The following MAF variants were observed in gnomAD, a reference collection of about 807,000 sequenced individuals.
MAF encodes MAF bZIP transcription factor.
A neutral mutation model predicts 22.0 loss-of-function variants in MAF; 10 were observed. That is an observed-to-expected ratio of 0.45 (90% CI 0.28 to 0.77). The LOEUF is 0.77. MAF is among the 30% of genes least tolerant of loss of function. MAF has a pLI of 0.12. For synonymous variants in MAF, 337 were observed against 255.8 expected, an observed-to-expected ratio of 1.32 and a Z score of -3.03; for missense variants, 544 against 548.4, an observed-to-expected ratio of 0.99 and a Z score of 0.08.
the MAF span, among the ~76,000 whole-genome samples, chr16:79,522,913 T>A: frequency 3.5e-4 from 54 of 152,298 alleles, no homozygotes; most frequent in Admixed American, 1.0e-3. Flanking sequence ...CCTGAGAACA[T>A]CATGCTTAGA....
the MAF span, among the ~76,000 whole-genome samples, chr16:79,426,193 G>GA: frequency 6.9e-6 from 1 of 144,120 alleles, no homozygotes; most frequent in Non-Finnish European, 1.5e-5. Context: ...GCGAGAGAGC[G>GA]AGAGTCCATC....
chr16:79,244,382 A>C, the MAF span, among the ~76,000 whole-genome samples: 1 of 152,140 alleles, frequency 6.6e-6, no homozygotes, highest in Non-Finnish European at 1.5e-5. Flanking sequence ...AGCATACAAA[A>C]TCAATGTGCA....
At chr16:79,207,066 C>G in the MAF span, among the ~76,000 whole-genome samples, 2 of 152,120 alleles carry the variant, frequency 1.3e-5, no homozygotes, top group African/African-American at 2.4e-5. Context: ...TATAGCCTCT[C>G]CTGGGGGAGT....
At chr16:79,322,187 C>T in the MAF span, among the ~76,000 whole-genome samples, 7 of 152,124 alleles carry the variant, frequency 4.6e-5, no homozygotes, top group South Asian at 4.1e-4. Flanking sequence ...GAGCCAAGAT[C>T]GCTCCACTGC....
At chr16:79,502,696 AATATAAATATAAATATATATATATAT>A in the MAF span, among the ~76,000 whole-genome samples, 451 of 19,236 alleles carry the variant, frequency 0.023, 19 homozygotes, top group Middle Eastern at 0.12. Flanking sequence ...TATAAATATA[AATATAAATATAAATATATATATATAT>A]ATATATATAT....
chr16:79,482,021 G>A, the MAF span, among the ~76,000 whole-genome samples: 1 of 152,304 alleles, frequency 6.6e-6, no homozygotes, highest in Non-Finnish European at 1.5e-5. Context: ...AGCAAAAACT[G>A]CTGGGTCATG....
the MAF span, chr16:79,211,755 G>C: frequency 5.6e-6 from 9 of 1,614,082 alleles, no homozygotes; most frequent in Admixed American, 1.0e-4. Context: ...GGCGCTCAGC[G>C]AGAGGCTGAT....
At chr16:79,239,197 G>A in the MAF span, among the ~76,000 whole-genome samples, 1 of 152,056 alleles carries the variant, frequency 6.6e-6, no homozygotes, top group African/African-American at 2.4e-5. Flanking sequence ...TTCTCTCTCT[G>A]TTGCTTCCCA....
the MAF span, among the ~76,000 whole-genome samples, chr16:79,274,314 C>T: frequency 4.0e-5 from 6 of 151,444 alleles, no homozygotes; most frequent in African/African-American, 1.5e-4. Context: ...CTTTATGGCT[C>T]ACAAAGATCC....
chr16:79,538,026 C>T, the MAF span, among the ~76,000 whole-genome samples: 1 of 152,170 alleles, frequency 6.6e-6, no homozygotes, highest in Non-Finnish European at 1.5e-5. Context: ...CTTTATCTGT[C>T]TGGCTGCAGA....
the MAF span, among the ~76,000 whole-genome samples, chr16:79,402,086 C>G: frequency 6.6e-6 from 1 of 152,182 alleles, no homozygotes; most frequent in Non-Finnish European, 1.5e-5. Context: ...TCAATTCAGA[C>G]TCTGTCATTC....
the MAF span, chr16:79,211,735 G>T: frequency 2.5e-6 from 4 of 1,614,184 alleles, no homozygotes; most frequent in East Asian, 2.2e-5. Flanking sequence ...GAGACGGCCC[G>T]GACCCTGTGG....
chr16:79,419,679 C>T, the MAF span, among the ~76,000 whole-genome samples: 2 of 152,124 alleles, frequency 1.3e-5, no homozygotes, highest in East Asian at 1.9e-4. Flanking sequence ...TTTCTGGAGC[C>T]GGGGAGATTT....
the MAF span, among the ~76,000 whole-genome samples, chr16:79,318,168 C>T: frequency 1.3e-5 from 2 of 152,264 alleles, 1 homozygote; most frequent in South Asian, 4.1e-4. Context: ...CAGATTGGTC[C>T]TTGCCTTATG....
At chr16:79,477,680 T>G in the MAF span, among the ~76,000 whole-genome samples, 3 of 152,216 alleles carry the variant, frequency 2.0e-5, no homozygotes, top group African/African-American at 2.4e-5. Flanking sequence ...TTCTGTGAGA[T>G]TCTGCAAGCT....
At chr16:79,473,353 C>G in the MAF span, among the ~76,000 whole-genome samples, 1 of 152,172 alleles carries the variant, frequency 6.6e-6, no homozygotes, top group East Asian at 1.9e-4. Context: ...GTTCCAGGAA[C>G]TTCACTCCTT....
chr16:79,322,214 C>G, the MAF span, among the ~76,000 whole-genome samples: 1 of 152,090 alleles, frequency 6.6e-6, no homozygotes, highest in Admixed American at 6.5e-5. Context: ...GCCTGGGCAA[C>G]AGAGTGAGAC....
At chr16:79,237,928 C>T in the MAF span, among the ~76,000 whole-genome samples, 1 of 152,148 alleles carries the variant, frequency 6.6e-6, no homozygotes, top group Non-Finnish European at 1.5e-5. Flanking sequence ...AGCATCCCAT[C>T]ATGGTGCATC....
chr16:79,272,186 G>C, the MAF span, among the ~76,000 whole-genome samples: 1 of 152,210 alleles, frequency 6.6e-6, no homozygotes, highest in Non-Finnish European at 1.5e-5. Context: ...GGCGTCTCTG[G>C]TTCCTCTGAA....
Sources: allele counts gnomAD v4.1 joint callset (sites outside exome capture counted in the v4.1 genomes callset), GRCh38; gene constraint gnomAD v4.1.1; transcripts MANE v1.5; gene names NCBI Gene and HGNC (gene_info 2026-07-23, HGNC 2026-07-21).